Variants in AKAP19 observed in about 807,000 individuals in gnomAD.
The protein encoded by AKAP19 is small A-kinase anchoring protein.
At chr2:189,888,590 ATTTG>A in the AKAP19 span, among the ~76,000 whole-genome samples, 1 of 152,098 alleles carries the variant, frequency 6.6e-6, no homozygotes, top group African/African-American at 2.4e-5. Context: ...ATGTTTTTCC[ATTTG>A]TTTGTGTCCT....
At chr2:190,138,989 AT>A in the AKAP19 span, among the ~76,000 whole-genome samples, 1 of 150,376 alleles carries the variant, frequency 6.6e-6, no homozygotes, top group Non-Finnish European at 1.5e-5. Flanking sequence ...AAATTTATGC[AT>A]TCTTTTCACA....
At chr2:189,893,004 C>G in the AKAP19 span, among the ~76,000 whole-genome samples, 3 of 152,144 alleles carry the variant, frequency 2.0e-5, no homozygotes, top group African/African-American at 7.2e-5. Flanking sequence ...CTGCCCAGTT[C>G]CAACTTCCTG....
At chr2:189,880,198 C>T in the AKAP19 span, among the ~76,000 whole-genome samples, 1 of 152,066 alleles carries the variant, frequency 6.6e-6, no homozygotes, top group East Asian at 1.9e-4. Context: ...AAATTCTTAC[C>T]TGTTTTATTT....
the AKAP19 span, among the ~76,000 whole-genome samples, chr2:190,022,168 T>A: frequency 6.6e-6 from 1 of 152,274 alleles, no homozygotes; most frequent in East Asian, 1.9e-4. Flanking sequence ...CCCTTTTCAG[T>A]ACTGCCACAT....
chr2:190,064,498 T>C, the AKAP19 span, among the ~76,000 whole-genome samples: 2 of 151,974 alleles, frequency 1.3e-5, no homozygotes, highest in East Asian at 3.9e-4. Context: ...AAATCTCAAC[T>C]TTGCCACTTC....
At chr2:190,190,407 T>C in the AKAP19 span, among the ~76,000 whole-genome samples, 1 of 152,232 alleles carries the variant, frequency 6.6e-6, no homozygotes, top group Non-Finnish European at 1.5e-5. Flanking sequence ...TCAAGTTATA[T>C]TCCATTTTGA....
At chr2:190,177,107 T>G in the AKAP19 span, among the ~76,000 whole-genome samples, 1 of 152,218 alleles carries the variant, frequency 6.6e-6, no homozygotes, top group African/African-American at 2.4e-5. The surrounding 1 kb of genome is among the most constrained non-coding windows in gnomAD (Gnocchi z 4.6). Flanking sequence ...CTATCAGGGT[T>G]CATATCCCAT....
At chr2:190,025,469 A>G in the AKAP19 span, among the ~76,000 whole-genome samples, 3 of 152,156 alleles carry the variant, frequency 2.0e-5, no homozygotes, top group Admixed American at 6.5e-5. Context: ...ATAAATTTTG[A>G]CAATTACATA....
the AKAP19 span, among the ~76,000 whole-genome samples, chr2:190,053,914 T>G: frequency 6.6e-6 from 1 of 152,164 alleles, no homozygotes; most frequent in Non-Finnish European, 1.5e-5. Context: ...AGTCACTGCT[T>G]TATAACTAAG....
the AKAP19 span, among the ~76,000 whole-genome samples, chr2:190,159,276 G>A: frequency 2.6e-5 from 4 of 152,178 alleles, no homozygotes; most frequent in Admixed American, 1.3e-4. Flanking sequence ...TGGTGACAGT[G>A]GTGGAGCAGA....
the AKAP19 span, among the ~76,000 whole-genome samples, chr2:189,973,413 T>G: frequency 2.4e-4 from 37 of 152,222 alleles, no homozygotes; most frequent in South Asian, 6.2e-4. Flanking sequence ...TTTTTGCATC[T>G]ATGTTCATCA....
At chr2:190,145,551 C>G in the AKAP19 span, among the ~76,000 whole-genome samples, 4 of 152,074 alleles carry the variant, frequency 2.6e-5, no homozygotes, top group Non-Finnish European at 4.4e-5. Flanking sequence ...GATTATAATA[C>G]CATATTTTTA....
chr2:190,108,872 A>G, the AKAP19 span, among the ~76,000 whole-genome samples: 1 of 151,358 alleles, frequency 6.6e-6, no homozygotes. Flanking sequence ...TATTTTCTCT[A>G]AAAAACCTTA....
the AKAP19 span, among the ~76,000 whole-genome samples, chr2:190,154,402 CT>C: frequency 4.6e-5 from 7 of 152,222 alleles, no homozygotes; most frequent in East Asian, 1.3e-3. Flanking sequence ...TCTGTTTCTC[CT>C]TGTATATTCT....
the AKAP19 span, among the ~76,000 whole-genome samples, chr2:190,161,075 G>A: frequency 6.2e-3 from 940 of 152,194 alleles, 4 homozygotes; most frequent in South Asian, 0.013. Flanking sequence ...GCCAAAACCA[G>A]AGTTTCAACA....
At chr2:190,163,398 C>T in the AKAP19 span, among the ~76,000 whole-genome samples, 2 of 150,882 alleles carry the variant, frequency 1.3e-5, no homozygotes, top group African/African-American at 4.9e-5. Flanking sequence ...CGCGCCACTG[C>T]ACTCCAACCT....
At chr2:190,023,814 T>G in the AKAP19 span, among the ~76,000 whole-genome samples, 1 of 146,444 alleles carries the variant, frequency 6.8e-6, no homozygotes, top group Non-Finnish European at 1.5e-5. Context: ...TATATATATA[T>G]ATATACATAT....
the AKAP19 span, among the ~76,000 whole-genome samples, chr2:190,106,188 C>T: frequency 1.3e-5 from 2 of 152,108 alleles, no homozygotes; most frequent in African/African-American, 2.4e-5. Flanking sequence ...AGGATTTAAC[C>T]GTATTTTTGT....
At chr2:190,011,273 C>T in the AKAP19 span, among the ~76,000 whole-genome samples, 5 of 152,148 alleles carry the variant, frequency 3.3e-5, no homozygotes, top group East Asian at 9.7e-4. Flanking sequence ...GTTGGTCAGG[C>T]TGGTCTTGAA....
Sources: allele counts gnomAD v4.1 joint callset (sites outside exome capture counted in the v4.1 genomes callset), GRCh38; gene constraint gnomAD v4.1.1; non-coding constraint Gnocchi (gnomAD v3.1); transcripts MANE v1.5; gene names NCBI Gene and HGNC (gene_info 2026-07-23, HGNC 2026-07-21).